NUP205: variants seen among roughly 807,000 people sequenced by gnomAD.
NUP205 encodes nucleoporin 205, also known as nuclear pore complex protein Nup205.
In NUP205, 76 loss-of-function variants were observed where a neutral mutation model predicts 253.8. The observed-to-expected ratio is 0.30, with a 90% CI of 0.25 to 0.36. The LOEUF (loss-of-function observed/expected upper bound fraction) is 0.36, where lower values mean the gene tolerates loss of function less well. Among genes scored for constraint, NUP205 ranks in the 10% least tolerant of loss-of-function variants. The pLI, the probability that NUP205 is intolerant of heterozygous loss-of-function variation, is 1.00. For synonymous variants in NUP205, 832 were observed against 850.1 expected (o/e 0.98, Z 0.37); for missense variants, 2,162 against 2,425.5 (o/e 0.89, Z 2.28).
At chr7:135,563,130 C>T (rs1007141572) in intron 1 of NUP205, among the ~76,000 whole-genome samples, 1 of 151,926 alleles carries the variant, frequency 6.6e-6, no homozygotes, top group African/African-American at 2.4e-5. Flanking sequence ...CTTGCCCTGG[C>T]TACCTCTCCT....
Position 135,578,836 on chromosome 7 carries a change from A to G in NUP205, c.963A>G (p.Lys321=). ...GTCTTCAGGACTCACAGCTTTGGAA[A>G]CTGCCTGGGCTCCAAGCCACTGTTA... is the stretch of plus-strand genomic sequence containing the variant. The part of the protein sequence containing the change: ...HSRLQDSQLW[K]LPGLQATVRL... Residue 321 remains lysine, a synonymous_variant, in exon 7 of 43, where the codon AAA becomes AAG. Transcript: ENST00000285968. The G allele has an allele frequency of 6.2e-7, 1 of 1,612,112 alleles. No homozygotes were observed. Among genetic ancestry groups the G allele is most frequent in the Non-Finnish European group, 8.5e-7 (1 of 1,179,310 alleles).
intron 10 of NUP205, among the ~76,000 whole-genome samples, 181 bp downstream of exon 10, chr7:135,588,173 C>T (rs1806525242): frequency 6.6e-6 from 1 of 152,132 alleles, no homozygotes; most frequent in South Asian, 2.1e-4. Context: ...CAAAGTCTCA[C>T]TCTGTCACCT....
At chr7:135,570,714 A>ATTATATTAACATAT (rs1248382595) in intron 1 of NUP205, among the ~76,000 whole-genome samples, 4 of 42,578 alleles carry the variant, frequency 9.4e-5, no homozygotes, top group South Asian at 1.8e-3. Context: ...ATATTAATAT[A>ATTATATTAACATAT]ATTAATTATA....
Position 135,593,004 on chromosome 7 carries a change from G to A in NUP205, c.1642G>A (p.Ala548Thr). The A allele has an allele frequency of 1.9e-6, 3 of 1,612,378 alleles. No homozygotes were observed. The highest frequency in any genetic ancestry group is 2.2e-5 in the East Asian group (1 of 44,880). Residue 548 changes from alanine to threonine, a missense_variant, in exon 12 of 43, where the codon GCA becomes ACA. Ala to Thr is a moderately conservative substitution (Grantham distance 58). Around this residue, in one of 5 missense-constraint regions of NUP205, gnomAD observed 892 missense variants for 957.1 expected, o/e 0.93. Transcript: ENST00000285968. The stretch of plus-strand genomic sequence containing the variant: ...CTTTATAGTTGAAAATATTCAGGGA[G>A]CAGGTGGCAGTCCTGTTTCCTGGGA... ...GSSHVENIQG[A>T]GGSPVSWEHF...
At chr7:135,576,687 G>A (rs940432082) in intron 4 of NUP205, among the ~76,000 whole-genome samples, 6 of 152,126 alleles carry the variant, frequency 3.9e-5, no homozygotes, top group African/African-American at 1.4e-4. Context: ...TTTTAGATCA[G>A]CCTGGGCAAC....
chr7:135,627,880 C>T (rs140373314), intron 33 of NUP205, 93 bp from the exon 34 acceptor site: 94 of 1,266,608 alleles, frequency 7.4e-5, no homozygotes, highest in Middle Eastern at 4.3e-4. Context: ...CTTAATCAGC[C>T]GGCTCTGATT....
chr7:135,614,598 C>T (rs1332138240), intron 23 of NUP205, among the ~76,000 whole-genome samples: 2 of 151,956 alleles, frequency 1.3e-5, no homozygotes, highest in Non-Finnish European at 2.9e-5. Flanking sequence ...CTGATTTTCT[C>T]TTCCCAGGCT....
chr7:135,605,546 A>C (rs1193923451), intron 19 of NUP205, among the ~76,000 whole-genome samples: 1 of 152,236 alleles, frequency 6.6e-6, no homozygotes, highest in African/African-American at 2.4e-5. Context: ...ACCACCCAGC[A>C]TGAGAACCAC....
At chr7:135,598,555 G>C (rs1793897248) in intron 15 of NUP205, among the ~76,000 whole-genome samples, 1 of 152,196 alleles carries the variant, frequency 6.6e-6, no homozygotes, top group African/African-American at 2.4e-5. Context: ...ATTGAAATAA[G>C]TTTAAACTTG....
At chr7:135,643,414 C>G in intron 39 of NUP205, 56 bp downstream of exon 39, 1 of 1,380,936 alleles carries the variant, frequency 7.2e-7, no homozygotes, top group Non-Finnish European at 1.0e-6. Context: ...GTTACTAGGC[C>G]AGGGTACTCA....
chr7:135,590,681 T>C (rs549764785), intron 10 of NUP205, among the ~76,000 whole-genome samples: 53 of 152,074 alleles, frequency 3.5e-4, no homozygotes, highest in Admixed American at 1.4e-3. Flanking sequence ...TACAGGTGTG[T>C]GCCACCACAC....
intron 7 of NUP205, among the ~76,000 whole-genome samples, chr7:135,584,093 A>C (rs1404003625): frequency 2.6e-5 from 4 of 152,004 alleles, no homozygotes; most frequent in Admixed American, 2.6e-4. Context: ...TACAGGCATG[A>C]GCCACCCTGC....
In NUP205 at chr7:135,629,517, CTCTCTGTCTCTCTT is replaced by C. The variant is rs1303198881; in HGVS notation, c.4933-825_4933-812del. On this transcript the variant is annotated intron_variant, in intron 34 of 42. Coordinates refer to ENST00000285968, the MANE Select transcript of NUP205 (RefSeq NM_015135.3). The stretch of plus-strand genomic sequence containing the variant: ...TCTCTCTCTCTCTCTCTCTGTCTCT[CTCTCTGTCTCTCTT>C]TTTTTTTTTTTTTGAGACAGAGTCT... Among the ~76,000 whole-genome samples, 268 of 140,352 alleles carry C rather than the reference CTCTCTGTCTCTCTT, an allele frequency of 1.9e-3. 3 individuals are homozygous for C. The highest frequency in any genetic ancestry group is 6.3e-3 in the African/African-American group (242 of 38,424). The allele number at this position is 140,352 out of a possible 152,430, so 92.1% of individuals were successfully genotyped here. A position where few individuals can be genotyped will look rare whatever the true frequency, so the allele number is the denominator to read the frequency against.
At chr7:135,604,255 C>G (rs1243524522) in intron 18 of NUP205, 85 bp from the exon 19 acceptor site, 2 of 1,179,848 alleles carry the variant, frequency 1.7e-6, no homozygotes, top group Admixed American at 5.3e-5. Context: ...GCAGGGGAAG[C>G]CCTGGTTCTA....
At position 135,593,112 on chromosome 7, in the gene NUP205, C is replaced by A; in HGVS notation, c.1750C>A (p.Leu584Ile). The change falls in exon 12 of 43, where the codon CTT becomes ATT. Residue 584 changes from leucine (L) to isoleucine (I), a missense_variant. By Grantham distance (5) the Leu-to-Ile change is conservative. Coordinates refer to ENST00000285968, the MANE Select transcript of NUP205 (RefSeq NM_015135.3). Reference sequence around the variant, plus strand: ...TGCAGATAGTGTCCAGTACCGTCACCTTCCTTCCCGTGGCATCACCCAGAA... The same window carrying A: ...TGCAGATAGTGTCCAGTACCGTCACATTCCTTCCCGTGGCATCACCCAGAA... ...PSADSVQYRH[L>I]PSRGITQKEQ... 1 of 1,614,124 alleles carries A rather than the reference C, an allele frequency of 6.2e-7. No homozygotes were observed. Among genetic ancestry groups the A allele is most frequent in the Non-Finnish European group, 8.5e-7 (1 of 1,180,004 alleles).
Position 135,592,968 on chromosome 7 carries a change from G to A in NUP205, c.1625-19G>A. 1 of 1,529,348 alleles carries A rather than the reference G, an allele frequency of 6.5e-7. No homozygotes were observed. The highest frequency in any genetic ancestry group is 2.3e-5 in the East Asian group (1 of 44,412). 94.7% of individuals were successfully genotyped at this position (1,529,348 alleles called of 1,614,324 possible). ...TTAGATGTTTTTTAAATAAAATTCT[G>A]TGCTGTTTTTCTTTATAGTTGAAAA... is the stretch of plus-strand genomic sequence containing the variant. On this transcript the variant is annotated intron_variant, in intron 11 of 42. Coordinates refer to ENST00000285968, the MANE Select transcript of NUP205 (RefSeq NM_015135.3).
At position 135,630,409 on chromosome 7, in the gene NUP205, T is replaced by C. The variant is rs1171493016; in HGVS notation, c.4998T>C (p.Ser1666=). The C allele has an allele frequency of 6.2e-7, 1 of 1,611,166 alleles. No individual in the cohort carries two copies. The highest frequency in any genetic ancestry group is 1.3e-5 in the African/African-American group (1 of 74,980). ...CAATTCTGCGCTGTCAGGATGTTAG[T>C]GCTGGGTCTTTGCAGGAATTGGCTC... ...IQAILRCQDV[S]AGSLQELALL... Residue 1666 remains serine (S), a synonymous_variant, in exon 35 of 43, where the codon AGT becomes AGC. Coordinates refer to ENST00000285968, the MANE Select transcript of NUP205 (RefSeq NM_015135.3).
At chr7:135,583,738 G>C (rs1806374085) in intron 7 of NUP205, among the ~76,000 whole-genome samples, 1 of 152,068 alleles carries the variant, frequency 6.6e-6, no homozygotes, top group African/African-American at 2.4e-5. Flanking sequence ...CAGTCTGGGT[G>C]ACAGAGCGAG....
chr7:135,648,335 G>A (rs76919188), intron 42 of NUP205, 69 bp from the exon 43 acceptor site: 13,382 of 1,332,360 alleles, frequency 0.01, 81 homozygotes, highest in Non-Finnish European at 0.011. Flanking sequence ...GTTTTAAATT[G>A]GAAGACTTAG....
Sources: gnomAD v4.1 joint callset for allele counts (sites outside exome capture counted in the v4.1 genomes callset) on GRCh38, gnomAD v4.1.1 for gene constraint, gnomAD v4.1.1 regional missense constraint, MANE v1.5 for transcripts, NCBI Gene and HGNC (gene_info 2026-07-23, HGNC 2026-07-21) for gene names.